Variants in JMY observed in about 807,000 individuals in gnomAD.
JMY encodes junction-mediating and -regulatory protein.
A neutral mutation model predicts 103.3 loss-of-function variants in JMY; 46 were observed. That is an observed-to-expected ratio of 0.45 (90% CI 0.35 to 0.57). The LOEUF (loss-of-function observed/expected upper bound fraction) is 0.57. JMY is among the 20% of genes least tolerant of loss of function. The pLI, the probability that JMY is intolerant of heterozygous loss-of-function variation, is 0.00. For synonymous variants in JMY, 526 were observed against 489.3 expected, an observed-to-expected ratio of 1.07 and a Z score of -0.99; for missense variants, 1,238 against 1,255.2, an observed-to-expected ratio of 0.99 and a Z score of 0.21.
At chr5:79,305,737 C>T (rs1746861807) in intron 6 of JMY, among the ~76,000 whole-genome samples, 2 of 152,074 alleles carry the variant, frequency 1.3e-5, no homozygotes, top group Non-Finnish European at 2.9e-5. Flanking sequence ...TCTTCCAGGT[C>T]TCTTGCAGCT....
chr5:79,314,357 A>C lies in JMY; in HGVS notation c.2165A>C (p.Asp722Ala). ...ASPVLQEDHC[D>A]SLPSVLQVEE... Reference sequence around the variant, plus strand: ...CCTGTTCTCCAAGAGGATCATTGTGACTCTTTACCAAGTGTGTTACAGGTA... The same window carrying C: ...CCTGTTCTCCAAGAGGATCATTGTGCCTCTTTACCAAGTGTGTTACAGGTA... The change falls in exon 9 of 11, where the codon GAC becomes GCC. Residue 722 changes from aspartate (D) to alanine (A), a missense_variant. Transcript: ENST00000396137. 6.2e-7 allele frequency: 1 copy of C among 1,614,088 alleles called. No homozygotes were observed. Among genetic ancestry groups the C allele is most frequent in the Non-Finnish European group, 8.5e-7 (1 of 1,179,994 alleles).
At position 79,322,372 on chromosome 5, in the gene JMY, A is replaced by T. The variant is rs1747482236; in HGVS notation, c.*770A>T. ...ATGTGCATCCTTGTTTATGGAAGGC[A>T]GTACTTTGATAATATTTCAAATTAT... On this transcript the variant is annotated 3_prime_UTR_variant, in exon 11 of 11. Coordinates refer to ENST00000396137, the MANE Select transcript of JMY (RefSeq NM_152405.5). 6.6e-6 allele frequency: 1 copy of T among 152,210 alleles called. No homozygotes were observed. Among genetic ancestry groups the T allele is most frequent in the Non-Finnish European group, 1.5e-5 (1 of 68,032 alleles). 9.4% of individuals were successfully genotyped at this position (152,210 alleles called of 1,614,324 possible).
In JMY at chr5:79,236,859, C is replaced by A; in HGVS notation, c.209C>A (p.Ala70Asp). Residue 70 changes from alanine to aspartate, a missense_variant, in exon 1 of 11, where the codon GCC becomes GAC. By Grantham distance (126) the Ala-to-Asp change is moderately radical (BLOSUM62 -2). Coordinates refer to ENST00000396137, the MANE Select transcript of JMY (RefSeq NM_152405.5). ...GCGGGGGCGCGAGGGGGCGCCGAGG[C>A]CGGCGGAGCTGCGTCCGACGGGAGC... ...EQAGARGGAE[A>D]GGAASDGSRG... 3 of 1,445,112 alleles carry A rather than the reference C, an allele frequency of 2.1e-6. No individual in the cohort carries two copies. The highest frequency in any genetic ancestry group is 2.7e-6 in the Non-Finnish European group (3 of 1,093,320). The allele number at this position is 1,445,112 out of a possible 1,614,324, so 89.5% of individuals were successfully genotyped here.
chr5:79,281,978 G>A (rs1214204720), intron 2 of JMY, among the ~76,000 whole-genome samples: 1 of 152,136 alleles, frequency 6.6e-6, no homozygotes, highest in African/African-American at 2.4e-5. Flanking sequence ...GGCCGAGGCG[G>A]GCGGATCACA....
chr5:79,307,531 G>A (rs1412223994), intron 7 of JMY, among the ~76,000 whole-genome samples: 6 of 152,038 alleles, frequency 3.9e-5, no homozygotes, highest in Non-Finnish European at 4.4e-5. Flanking sequence ...CAGGTTAGCC[G>A]CAAACTCCTG....
At chr5:79,270,457 A>T (rs970738133) in intron 1 of JMY, among the ~76,000 whole-genome samples, 1 of 109,024 alleles carries the variant, frequency 9.2e-6, no homozygotes, top group African/African-American at 3.6e-5. Context: ...TATTTACATA[A>T]ATATTTAAAA....
At chr5:79,289,253 AG>A (rs1746356444) in intron 2 of JMY, among the ~76,000 whole-genome samples, 1 of 150,724 alleles carries the variant, frequency 6.6e-6, no homozygotes, top group South Asian at 2.1e-4. Flanking sequence ...AAAAAAAAAA[AG>A]GAGAATATGG....
intron 2 of JMY, among the ~76,000 whole-genome samples, chr5:79,278,585 CAAAAAAAA>C (rs34278536): frequency 4.0e-4 from 23 of 57,300 alleles, no homozygotes; most frequent in Non-Finnish European, 4.4e-4. Context: ...CCCGTCTCTA[CAAAAAAAA>C]AAAAAAAAAA....
chr5:79,263,908 C>T (rs1163973440), intron 1 of JMY, among the ~76,000 whole-genome samples: 1 of 151,990 alleles, frequency 6.6e-6, no homozygotes, highest in Non-Finnish European at 1.5e-5. Context: ...AGCAATTCTC[C>T]TGCCTCAGCC....
chr5:79,305,204 C>T (rs1161483017), intron 6 of JMY, among the ~76,000 whole-genome samples: 1 of 152,092 alleles, frequency 6.6e-6, no homozygotes, highest in African/African-American at 2.4e-5. Flanking sequence ...GTAATCCCAG[C>T]ACTTTGGGAG....
At chr5:79,318,618 C>CT (rs760810468) in intron 10 of JMY, among the ~76,000 whole-genome samples, 160 of 152,094 alleles carry the variant, frequency 1.1e-3, no homozygotes, top group Non-Finnish European at 1.5e-3. Flanking sequence ...CATTATCCTG[C>CT]TTTTTTTCCT....
At chr5:79,245,090 CTG>C (rs1474308389) in intron 1 of JMY, among the ~76,000 whole-genome samples, 6 of 151,946 alleles carry the variant, frequency 3.9e-5, no homozygotes, top group African/African-American at 1.2e-4. Flanking sequence ...CTTTTTCAGA[CTG>C]TAGCAAAGGT....
intron 4 of JMY, among the ~76,000 whole-genome samples, chr5:79,295,124 G>T (rs1222761725): frequency 1.3e-5 from 2 of 152,100 alleles, no homozygotes; most frequent in African/African-American, 4.8e-5. Context: ...ATATACCATG[G>T]TGGATATGAG....
chr5:79,270,746 C>G (rs1745759814), intron 1 of JMY, among the ~76,000 whole-genome samples: 1 of 147,362 alleles, frequency 6.8e-6, no homozygotes, highest in Non-Finnish European at 1.5e-5. Context: ...TAAATACTTT[C>G]TCACCATTAA....
intron 4 of JMY, among the ~76,000 whole-genome samples, chr5:79,292,931 A>G (rs1291200513): frequency 6.6e-6 from 1 of 152,114 alleles, no homozygotes; most frequent in Admixed American, 6.6e-5. Context: ...TTTTGTGTAT[A>G]ATTTAGATAG....
At chr5:79,261,556 CTA>C (rs747284204) in intron 1 of JMY, among the ~76,000 whole-genome samples, 14 of 152,024 alleles carry the variant, frequency 9.2e-5, no homozygotes, top group Non-Finnish European at 1.8e-4. Flanking sequence ...GAGGCTGTCT[CTA>C]AAAAAATAAA....
intron 1 of JMY, among the ~76,000 whole-genome samples, chr5:79,265,773 G>A (rs1394986597): frequency 6.9e-6 from 1 of 144,904 alleles, no homozygotes; most frequent in East Asian, 2.0e-4. Flanking sequence ...GCTCATCTGT[G>A]ATGATTCTTT....
At chr5:79,270,951 C>T (rs1745765962) in intron 1 of JMY, among the ~76,000 whole-genome samples, 1 of 151,582 alleles carries the variant, frequency 6.6e-6, no homozygotes, top group African/African-American at 2.4e-5. Flanking sequence ...GTTGAGCTAG[C>T]CTTTTGTATA....
At chr5:79,319,707 A>C (rs959871352) in intron 10 of JMY, among the ~76,000 whole-genome samples, 6 of 151,824 alleles carry the variant, frequency 4.0e-5, no homozygotes, top group African/African-American at 1.5e-4. Flanking sequence ...CAGCCTCCGG[A>C]GTAGCTGGGA....
Sources: gnomAD v4.1 joint callset for allele counts (sites outside exome capture counted in the v4.1 genomes callset) on GRCh38, gnomAD v4.1.1 for gene constraint, MANE v1.5 for transcripts, NCBI Gene and HGNC (gene_info 2026-07-23, HGNC 2026-07-21) for gene names.